The following PAX5 variants were observed in gnomAD, a reference collection of about 807,000 sequenced individuals.
PAX5 encodes the protein paired box protein Pax-5.
In PAX5, 9 loss-of-function variants were observed where a neutral mutation model predicts 43.7. That is an observed-to-expected ratio of 0.21 (90% confidence interval 0.12 to 0.36). PAX5 has a LOEUF of 0.36. PAX5 is among the 10% of genes least tolerant of loss of function. PAX5 has a pLI of 1.00. For missense variants in PAX5, 383 were observed against 532.7 expected (o/e 0.72, Z 2.77); for synonymous variants, 228 against 214.3 (o/e 1.06, Z -0.56).
intron 8 of PAX5, among the ~76,000 whole-genome samples, chr9:36,862,438 C>T (rs770454344): frequency 6.6e-5 from 10 of 152,166 alleles, no homozygotes; most frequent in Non-Finnish European, 1.5e-5. Context: ...GGAATAGATG[C>T]GCCCCTGAGA....
chr9:36,958,050 G>C (rs561242628), intron 6 of PAX5, among the ~76,000 whole-genome samples: 5 of 152,282 alleles, frequency 3.3e-5, no homozygotes, highest in African/African-American at 1.2e-4. Context: ...CTACCCTAGA[G>C]GGTCTGGGAT....
chr9:37,024,380 G>A (rs1053170838), intron 1 of PAX5, among the ~76,000 whole-genome samples: 4 of 152,070 alleles, frequency 2.6e-5, no homozygotes, highest in Non-Finnish European at 5.9e-5. Context: ...GTGGTAGGGG[G>A]ACGGAGGCAG....
intron 5 of PAX5, among the ~76,000 whole-genome samples, chr9:36,986,732 C>T (rs1438466792): frequency 6.6e-6 from 1 of 152,154 alleles, no homozygotes; most frequent in African/African-American, 2.4e-5. Flanking sequence ...GAGGAAGGGA[C>T]CGGCCTCCCC....
intron 1 of PAX5, among the ~76,000 whole-genome samples, chr9:37,031,519 C>A (rs373507516): frequency 5.9e-5 from 9 of 152,144 alleles, no homozygotes; most frequent in East Asian, 1.9e-4. Context: ...GGAGAGACTA[C>A]TACTTGTCCA....
chr9:36,996,591 G>A (rs1014062381), intron 5 of PAX5, among the ~76,000 whole-genome samples: 8 of 152,184 alleles, frequency 5.3e-5, no homozygotes, highest in Non-Finnish European at 7.3e-5. Context: ...TCCTGCTTCT[G>A]TTTTCTGCCC....
chr9:36,999,705 T>C (rs1416029589), intron 5 of PAX5, among the ~76,000 whole-genome samples: 1 of 152,218 alleles, frequency 6.6e-6, no homozygotes, highest in East Asian at 1.9e-4. Context: ...GGTACCGCAC[T>C]GGAGGCCAGA....
chr9:36,997,869 CAGCAGAAGGG>C (rs1454988222), intron 5 of PAX5, among the ~76,000 whole-genome samples: 2 of 152,212 alleles, frequency 1.3e-5, no homozygotes, highest in African/African-American at 2.4e-5. Context: ...CAGGGTCAGG[CAGCAGAAGGG>C]AAAGACAAGT....
Position 36,840,176 on chromosome 9 carries a change from T to C in PAX5, c.*384A>G. ...ACAGAAAAGCAAGAAGGTATTTACATGGGTGCTGCTGAAGCAACAAAAGCA... is the reference window on the plus strand; with the variant it reads ...ACAGAAAAGCAAGAAGGTATTTACACGGGTGCTGCTGAAGCAACAAAAGCA... On this transcript the variant is annotated 3_prime_UTR_variant, in exon 10 of 10. Transcript: ENST00000358127. The C allele has an allele frequency of 7.1e-6, 3 of 421,868 alleles. No individual in the cohort carries two copies. The highest frequency in any genetic ancestry group is 8.7e-6 in the Non-Finnish European group (2 of 230,610). The allele number at this position is 421,868 out of a possible 1,614,324, so 26.1% of individuals were successfully genotyped here. A position where few individuals can be genotyped will look rare whatever the true frequency, so the allele number is the denominator to read the frequency against.
intron 8 of PAX5, among the ~76,000 whole-genome samples, chr9:36,849,053 C>T (rs765756046): frequency 6.6e-6 from 1 of 152,260 alleles, no homozygotes; most frequent in African/African-American, 2.4e-5. Context: ...CACCCCTCCT[C>T]TTCCGATCCC....
intron 5 of PAX5, among the ~76,000 whole-genome samples, chr9:36,995,597 G>A (rs111894509): frequency 0.019 from 2,830 of 152,284 alleles, 44 homozygotes; most frequent in South Asian, 0.05. Context: ...TTATCACATC[G>A]AAAGGCAAGG....
intron 8 of PAX5, among the ~76,000 whole-genome samples, chr9:36,862,417 G>A (rs1012182655): frequency 1.3e-5 from 2 of 152,162 alleles, no homozygotes; most frequent in Admixed American, 6.5e-5. Context: ...CCAGCACCGC[G>A]TTCTGGGGTG....
intron 8 of PAX5, among the ~76,000 whole-genome samples, chr9:36,866,095 G>A (rs957732516): frequency 7.2e-5 from 11 of 152,236 alleles, no homozygotes; most frequent in African/African-American, 2.4e-4. Flanking sequence ...GAAGTCAGTG[G>A]GGAATAAATC....
At chr9:36,892,456 G>A (rs1244170271) in intron 7 of PAX5, among the ~76,000 whole-genome samples, 1 of 152,136 alleles carries the variant, frequency 6.6e-6, no homozygotes, top group African/African-American at 2.4e-5. Flanking sequence ...TTTAAGTACC[G>A]CAGCCACTCC....
chr9:36,981,191 C>A (rs1382962184), intron 5 of PAX5, among the ~76,000 whole-genome samples: 9 of 149,332 alleles, frequency 6.0e-5, no homozygotes, highest in African/African-American at 1.5e-4. Flanking sequence ...CAAAGCCCCC[C>A]CCCCCTCAGC....
intron 5 of PAX5, among the ~76,000 whole-genome samples, chr9:36,999,114 T>C (rs1837636511): frequency 6.6e-6 from 1 of 152,202 alleles, no homozygotes; most frequent in Non-Finnish European, 1.5e-5. Context: ...TCTCCCTAAA[T>C]GCTTCTAGAC....
At chr9:36,989,240 G>T (rs562753575) in intron 5 of PAX5, among the ~76,000 whole-genome samples, 1 of 152,372 alleles carries the variant, frequency 6.6e-6, no homozygotes, top group Admixed American at 6.5e-5. Context: ...AAAGCCCCAT[G>T]TTGGAGAGAG....
chr9:36,973,125 GAAAGGAAAGA>G lies in PAX5; in HGVS notation c.605-6411_605-6402del, dbSNP rs1247265296. 7.0e-3 allele frequency among the ~76,000 whole-genome samples: 587 copies of G among 84,336 alleles called. 12 individuals are homozygous for G. Among genetic ancestry groups the G allele is most frequent in the African/African-American group, 0.032 (527 of 16,540 alleles). The allele number at this position is 84,336 out of a possible 152,430, so 55.3% of individuals were successfully genotyped here. A position where few individuals can be genotyped will look rare whatever the true frequency, so the allele number is the denominator to read the frequency against. ...GAAAGGAAAGGAAAGGAAAGGAAAG[GAAAGGAAAGA>G]AAAGGAAAGGAAAGGAAAGGAAAGG... On this transcript the variant is annotated intron_variant, in intron 5 of 9. Transcript: ENST00000358127.
At chr9:36,894,156 C>G (rs1484691450) in intron 7 of PAX5, among the ~76,000 whole-genome samples, 2 of 152,142 alleles carry the variant, frequency 1.3e-5, no homozygotes, top group Admixed American at 6.5e-5. Flanking sequence ...TCCAAAGACG[C>G]CTCATGTTTC....
chr9:37,007,240 T>C (rs1051079727), intron 3 of PAX5, among the ~76,000 whole-genome samples: 1 of 152,150 alleles, frequency 6.6e-6, no homozygotes, highest in African/African-American at 2.4e-5. Flanking sequence ...CACACTCTAA[T>C]ACAAATTCCA....
Sources: allele counts gnomAD v4.1 joint callset (sites outside exome capture counted in the v4.1 genomes callset), GRCh38; gene constraint gnomAD v4.1.1; transcripts MANE v1.5; gene names NCBI Gene and HGNC (gene_info 2026-07-23, HGNC 2026-07-21).